Variants in CDH13 observed in about 807,000 individuals in gnomAD.
The protein encoded by CDH13 is cadherin 13.
Under a neutral mutation model 63.8 loss-of-function variants are expected in CDH13, and 24 were observed. The observed-to-expected ratio is 0.38, with a 90% CI of 0.27 to 0.53. The LOEUF is 0.53. CDH13 is among the 20% of genes least tolerant of loss of function. CDH13 has a pLI of 0.85. For synonymous variants in CDH13, 503 were observed against 355.3 expected, an observed-to-expected ratio of 1.42 and a Z score of -4.67; for missense variants, 1,049 against 903.1, an observed-to-expected ratio of 1.16 and a Z score of -2.07.
At chr16:83,711,611 G>C (rs1330763266) in intron 10 of CDH13, among the ~76,000 whole-genome samples, 2 of 152,144 alleles carry the variant, frequency 1.3e-5, no homozygotes, top group Non-Finnish European at 2.9e-5. Flanking sequence ...TGCCTTCCAG[G>C]CTCAAGCGAT....
At chr16:82,862,052 G>A (rs1041237236) in intron 2 of CDH13, among the ~76,000 whole-genome samples, 5 of 152,214 alleles carry the variant, frequency 3.3e-5, no homozygotes, top group Admixed American at 2.6e-4. Context: ...TCCATTTAAG[G>A]TCTTTGAATT....
In CDH13 at chr16:83,795,155, G is replaced by A. The variant is rs1049498538; in HGVS notation, c.*125G>A. 14 of 726,928 alleles carry A rather than the reference G, an allele frequency of 1.9e-5. No individual in the cohort carries two copies. The highest frequency in any genetic ancestry group is 5.4e-5 in the South Asian group (3 of 55,164). 45.0% of individuals were successfully genotyped at this position (726,928 alleles called of 1,614,324 possible). ...TTCACAACTAGGCCTCAATTGTTCC[G>A]GTTTTTTATTTTCTTTACAATTTCA... On this transcript the variant is annotated 3_prime_UTR_variant, in exon 14 of 14. Transcript: ENST00000567109.
intron 1 of CDH13, among the ~76,000 whole-genome samples, chr16:82,841,619 T>A (rs1428813100): frequency 1.3e-5 from 2 of 152,298 alleles, no homozygotes; most frequent in East Asian, 3.9e-4. Flanking sequence ...CCCATTTTGT[T>A]CCATTACTGG....
At chr16:82,753,232 G>T (rs769670976) in intron 1 of CDH13, among the ~76,000 whole-genome samples, 1 of 152,228 alleles carries the variant, frequency 6.6e-6, no homozygotes, top group Non-Finnish European at 1.5e-5. Context: ...ACTGGCAGAA[G>T]TACATGGATG....
intron 8 of CDH13, among the ~76,000 whole-genome samples, chr16:83,653,356 T>C (rs1912569096): frequency 6.6e-6 from 1 of 152,144 alleles, no homozygotes; most frequent in Non-Finnish European, 1.5e-5. Flanking sequence ...CATAGCACCA[T>C]GTCTAAAGAC....
chr16:83,522,903 G>A (rs4782810), intron 7 of CDH13, among the ~76,000 whole-genome samples: 84,915 of 152,034 alleles, frequency 0.56, 26,147 homozygotes, highest in Non-Finnish European at 0.7. Context: ...GCTCTTCCCA[G>A]TGTGACTCCA....
intron 3 of CDH13, among the ~76,000 whole-genome samples, chr16:83,104,275 G>A (rs939188746): frequency 6.6e-6 from 1 of 152,126 alleles, no homozygotes; most frequent in Non-Finnish European, 1.5e-5. Flanking sequence ...AACCTTCAAA[G>A]AACACAGTAA....
chr16:83,342,437 CA>C (rs1350404681), intron 5 of CDH13, among the ~76,000 whole-genome samples: 1 of 152,198 alleles, frequency 6.6e-6, no homozygotes. Flanking sequence ...AAGAAAATCC[CA>C]CTTAACAGCC....
At chr16:83,236,141 T>G (rs1352231965) in intron 5 of CDH13, among the ~76,000 whole-genome samples, 1 of 152,132 alleles carries the variant, frequency 6.6e-6, no homozygotes, top group Non-Finnish European at 1.5e-5. Flanking sequence ...TTTGTGGACC[T>G]GAAAAGGATT....
At chr16:83,661,699 T>G (rs1035562431) in intron 8 of CDH13, among the ~76,000 whole-genome samples, 2 of 152,206 alleles carry the variant, frequency 1.3e-5, no homozygotes, top group Non-Finnish European at 2.9e-5. Flanking sequence ...CAGGGTCATG[T>G]AGAGGAAGAG....
chr16:83,103,036 T>C (rs1235249854), intron 3 of CDH13, among the ~76,000 whole-genome samples: 2 of 134,944 alleles, frequency 1.5e-5, no homozygotes, highest in Non-Finnish European at 3.1e-5. Context: ...CACTGCAGCC[T>C]CTGCCTCCCT....
intron 3 of CDH13, among the ~76,000 whole-genome samples, chr16:83,053,930 C>G (rs538623361): frequency 6.6e-6 from 1 of 152,280 alleles, no homozygotes; most frequent in East Asian, 1.9e-4. Flanking sequence ...ACGTTTTGGT[C>G]AATGACGGAC....
chr16:83,366,634 A>G (rs1342020632), intron 6 of CDH13, among the ~76,000 whole-genome samples: 2 of 152,092 alleles, frequency 1.3e-5, no homozygotes, highest in South Asian at 2.1e-4. Flanking sequence ...AAGCTTTTCG[A>G]TATTCTCCAG....
At chr16:83,264,552 A>ATGTGTG (rs35460307) in intron 5 of CDH13, among the ~76,000 whole-genome samples, 4 of 149,760 alleles carry the variant, frequency 2.7e-5, no homozygotes, top group Admixed American at 2.0e-4. Context: ...ATATATATGT[A>ATGTGTG]TGTGTGTGTG....
At chr16:82,811,771 T>C (rs1193031069) in intron 1 of CDH13, among the ~76,000 whole-genome samples, 2 of 152,032 alleles carry the variant, frequency 1.3e-5, no homozygotes, top group Non-Finnish European at 2.9e-5. Context: ...TCTATGACAA[T>C]TGGGTATGTA....
intron 7 of CDH13, among the ~76,000 whole-genome samples, chr16:83,573,195 G>C (rs1294969969): frequency 6.6e-6 from 1 of 152,300 alleles, no homozygotes; most frequent in African/African-American, 2.4e-5. Flanking sequence ...TTGAATTTGG[G>C]GAGGTAGGGA....
At chr16:83,142,079 A>C (rs2036554316) in intron 4 of CDH13, among the ~76,000 whole-genome samples, 1 of 151,836 alleles carries the variant, frequency 6.6e-6, no homozygotes, top group Admixed American at 6.6e-5. Context: ...CAACGGATAT[A>C]ACCGAAACGG....
At chr16:83,103,845 C>G (rs1481414353) in intron 3 of CDH13, among the ~76,000 whole-genome samples, 2 of 152,170 alleles carry the variant, frequency 1.3e-5, no homozygotes, top group Admixed American at 1.3e-4. Flanking sequence ...TTTTCTAGAA[C>G]ACATTGATGT....
intron 1 of CDH13, among the ~76,000 whole-genome samples, chr16:82,777,175 C>T (rs999178093): frequency 6.6e-6 from 1 of 152,146 alleles, no homozygotes; most frequent in Non-Finnish European, 1.5e-5. Flanking sequence ...CACTGTGTTA[C>T]CCAGAGTGGT....
Sources: gnomAD v4.1 joint callset for allele counts (sites outside exome capture counted in the v4.1 genomes callset) on GRCh38, gnomAD v4.1.1 for gene constraint, MANE v1.5 for transcripts, NCBI Gene and HGNC (gene_info 2026-07-23, HGNC 2026-07-21) for gene names.